TC2N: variants seen among roughly 807,000 people sequenced by gnomAD.
TC2N encodes tandem C2 domains nuclear protein.
A neutral mutation model predicts 61.9 loss-of-function variants in TC2N; 51 were observed. The observed-to-expected ratio is 0.82, with a 90% CI of 0.66 to 1.04. The LOEUF (loss-of-function observed/expected upper bound fraction) is 1.04. Ranked by LOEUF, TC2N falls within the 50% of genes least tolerant of loss-of-function variation. The pLI is 0.00. For synonymous variants in TC2N, 204 were observed against 192.6 expected (o/e 1.06, Z -0.49); for missense variants, 556 against 566.7 (o/e 0.98, Z 0.19).
intron 4 of TC2N, among the ~76,000 whole-genome samples, chr14:91,801,131 G>A (rs886546512): frequency 4.6e-5 from 7 of 150,786 alleles, no homozygotes; most frequent in East Asian, 1.9e-4. Flanking sequence ...AATCACAGAC[G>A]AACATGATAG....
Position 91,799,035 on chromosome 14 carries a change from A to G in TC2N, c.591T>C (p.Ser197=), listed in dbSNP as rs766665580. ...QRHDSLSSVP[S]SSSSRKNSQG... ...GAGAATTTTTCCTTGAAGAAGAACT[A>G]CTGGGTACACTGGACAATGAATCAT... Residue 197 remains serine, a synonymous_variant, in exon 6 of 12, where the codon AGT becomes AGC. Transcript: ENST00000435962. 3 of 1,587,282 alleles carry G rather than the reference A, an allele frequency of 1.9e-6. No individual in the cohort carries two copies. The East Asian group carries it at 6.8e-5, about 36-fold the overall frequency.
intron 1 of TC2N, among the ~76,000 whole-genome samples, chr14:91,832,262 C>A (rs1887810119): frequency 6.6e-6 from 1 of 151,892 alleles, no homozygotes; most frequent in Non-Finnish European, 1.5e-5. Context: ...TGGCGGCATG[C>A]ACCTATAATC....
At chr14:91,832,570 T>G (rs2139897356) in intron 1 of TC2N, among the ~76,000 whole-genome samples, 1 of 152,080 alleles carries the variant, frequency 6.6e-6, no homozygotes, top group East Asian at 1.9e-4. Flanking sequence ...GAAAAAAAAT[T>G]CAGGTAATTA....
chr14:91,802,222 A>C (rs374547516), intron 4 of TC2N, 32 bp downstream of exon 4: 1 of 1,489,412 alleles, frequency 6.7e-7, no homozygotes, highest in African/African-American at 1.5e-5. Context: ...AAAGAGAAAC[A>C]CAGAGAGGAA....
At chr14:91,845,446 A>G (rs534162395) in intron 1 of TC2N, among the ~76,000 whole-genome samples, 13 of 152,284 alleles carry the variant, frequency 8.5e-5, no homozygotes, top group African/African-American at 3.1e-4. Context: ...GTTAAGTCAC[A>G]GATTTAGTTG....
intron 1 of TC2N, among the ~76,000 whole-genome samples, chr14:91,858,152 C>CTTCTTTTTTTT (rs1555373188): frequency 1.4e-4 from 13 of 92,330 alleles, no homozygotes; most frequent in Non-Finnish European, 2.5e-4. Context: ...TCTTCTTCTT[C>CTTCTTTTTTTT]TTTTTTTTTT....
chr14:91,783,692 T>C (rs971713831), intron 11 of TC2N, among the ~76,000 whole-genome samples: 1 of 152,134 alleles, frequency 6.6e-6, no homozygotes, highest in Admixed American at 6.6e-5. Context: ...TGATCAATAG[T>C]AATTTCATAG....
At chr14:91,826,336 C>A in intron 1 of TC2N, among the ~76,000 whole-genome samples, 2 of 130,452 alleles carry the variant, frequency 1.5e-5, no homozygotes, top group South Asian at 2.5e-4. Context: ...AAAAAAAAAG[C>A]AGGAAAAAAA....
chr14:91,843,185 A>G (rs758939686), intron 1 of TC2N, among the ~76,000 whole-genome samples: 1 of 152,128 alleles, frequency 6.6e-6, no homozygotes, highest in African/African-American at 2.4e-5. Context: ...AGAACAGCTA[A>G]TCCCCAGCTG....
intron 9 of TC2N, among the ~76,000 whole-genome samples, chr14:91,788,719 T>G (rs543785301): frequency 2.2e-4 from 33 of 152,284 alleles, no homozygotes; most frequent in African/African-American, 7.9e-4. Flanking sequence ...AATATGATTC[T>G]GTATTTCAAA....
chr14:91,858,152 C>CTTCTTTT (rs1555373188), intron 1 of TC2N, among the ~76,000 whole-genome samples: 35 of 92,318 alleles, frequency 3.8e-4, no homozygotes, highest in Non-Finnish European at 5.8e-4. Flanking sequence ...TCTTCTTCTT[C>CTTCTTTT]TTTTTTTTTT....
At chr14:91,857,871 A>G (rs984325580) in intron 1 of TC2N, among the ~76,000 whole-genome samples, 5 of 152,258 alleles carry the variant, frequency 3.3e-5, no homozygotes, top group Non-Finnish European at 5.9e-5. Flanking sequence ...CAGGGACCAC[A>G]GCAAAAAAGT....
intron 1 of TC2N, among the ~76,000 whole-genome samples, chr14:91,830,426 T>C (rs1250936446): frequency 6.6e-6 from 1 of 152,202 alleles, no homozygotes; most frequent in Non-Finnish European, 1.5e-5. Context: ...GAAAACATTA[T>C]GCTAAGAAAG....
chr14:91,817,695 A>G (rs997441535), intron 1 of TC2N, among the ~76,000 whole-genome samples: 18 of 152,100 alleles, frequency 1.2e-4, no homozygotes, highest in Admixed American at 1.2e-3. Flanking sequence ...AACATTAACC[A>G]TGACAGGAAT....
chr14:91,857,967 T>C (rs987067645), intron 1 of TC2N, among the ~76,000 whole-genome samples: 5 of 118,520 alleles, frequency 4.2e-5, no homozygotes, highest in African/African-American at 1.0e-4. Flanking sequence ...TTGTTGTTCT[T>C]TGTTTGTTTG....
rs1325805670 is a variant in TC2N, at chr14:91,781,079, A to T, written c.*2021T>A. On this transcript the variant is annotated 3_prime_UTR_variant, in exon 12 of 12. Transcript: ENST00000435962. ...TTGTAAGAATATAGAAAATTAAATA[A>T]ATCAAATAATTAAATATTAAGTTAA... 6.6e-6 allele frequency: 1 copy of T among 152,134 alleles called. No homozygotes were observed. Among genetic ancestry groups the T allele is most frequent in the Non-Finnish European group, 1.5e-5 (1 of 67,992 alleles). The allele number at this position is 152,134 out of a possible 1,614,324, so 9.4% of individuals were successfully genotyped here. A position where few individuals can be genotyped will look rare whatever the true frequency, so the allele number is the denominator to read the frequency against.
At chr14:91,825,195 G>A (rs1320830789) in intron 1 of TC2N, among the ~76,000 whole-genome samples, 1 of 151,534 alleles carries the variant, frequency 6.6e-6, no homozygotes, top group East Asian at 1.9e-4. Context: ...TACCATGCCC[G>A]GCTAATTTTT....
At chr14:91,808,807 A>G (rs1295468697) in intron 3 of TC2N, among the ~76,000 whole-genome samples, 2 of 152,190 alleles carry the variant, frequency 1.3e-5, no homozygotes, top group East Asian at 3.8e-4. Context: ...TAGAGTAAAA[A>G]CTCAAAATTA....
At chr14:91,827,988 G>C (rs984572308) in intron 1 of TC2N, among the ~76,000 whole-genome samples, 1 of 152,094 alleles carries the variant, frequency 6.6e-6, no homozygotes, top group Non-Finnish European at 1.5e-5. Flanking sequence ...TAAAATTAGT[G>C]TTCATTTGTA....
Sources: allele counts gnomAD v4.1 joint callset (sites outside exome capture counted in the v4.1 genomes callset), GRCh38; gene constraint gnomAD v4.1.1; transcripts MANE v1.5; gene names NCBI Gene and HGNC (gene_info 2026-07-23, HGNC 2026-07-21).